The following RAI14 variants were observed in gnomAD, a reference collection of about 807,000 sequenced individuals.
The protein encoded by RAI14 is retinoic acid induced 14.
Under a neutral mutation model 115.4 loss-of-function variants are expected in RAI14, and 45 were observed. That is an observed-to-expected ratio of 0.39 (90% CI 0.31 to 0.50). The LOEUF (loss-of-function observed/expected upper bound fraction) is 0.50. Ranked by LOEUF, RAI14 falls within the 20% of genes least tolerant of loss-of-function variation. RAI14 has a pLI of 0.85. For missense variants in RAI14, 939 were observed against 1,131.2 expected, an observed-to-expected ratio of 0.83 and a Z score of 2.44; for synonymous variants, 371 against 415.4, an observed-to-expected ratio of 0.89 and a Z score of 1.30.
chr5:34,743,930 A>C (rs1745847574), intron 2 of RAI14, among the ~76,000 whole-genome samples: 1 of 152,246 alleles, frequency 6.6e-6, no homozygotes, highest in Non-Finnish European at 1.5e-5. Flanking sequence ...TAACATCTGT[A>C]AAGGGCATGA....
At chr5:34,658,796 C>CAAAT (rs34087162) in intron 1 of RAI14, among the ~76,000 whole-genome samples, 124 of 151,688 alleles carry the variant, frequency 8.2e-4, no homozygotes, top group South Asian at 1.3e-3. Flanking sequence ...GACTCTGTCT[C>CAAAT]AAATAAATAA....
At chr5:34,662,745 T>TTTA (rs869272839) in intron 1 of RAI14, among the ~76,000 whole-genome samples, 1,858 of 143,938 alleles carry the variant, frequency 0.013, 21 homozygotes, top group Non-Finnish European at 0.02. Flanking sequence ...TTTTTTTTTT[T>TTTA]AGACACAGAG....
chr5:34,829,759 A>C lies in RAI14; in HGVS notation c.2827A>C (p.Ile943Leu), dbSNP rs770134601. The C allele has an allele frequency of 2.5e-6, 4 of 1,612,320 alleles. No homozygotes were observed. The highest frequency in any genetic ancestry group is 3.4e-6 in the Non-Finnish European group (4 of 1,178,812). ...ATGCAAGAAACAACACCAGGAGGTC[A>C]TATCAGTTTACAGAATGCATCTTCT... ...AECKKQHQEVISVYRMHLLYA... is the reference protein window; with the variant it reads ...AECKKQHQEVLSVYRMHLLYA... The change falls in exon 17 of 18, where the codon ATA (isoleucine) becomes CTA (leucine). Residue 943 changes from isoleucine to leucine, a missense_variant. By Grantham distance (5) the Ile-to-Leu change is conservative. Coordinates refer to ENST00000265109, the MANE Select transcript of RAI14 (RefSeq NM_015577.3).
rs1580316813 is a variant in RAI14, at chr5:34,803,839, T to C, written c.321+63T>C. On this transcript the variant is annotated intron_variant, in intron 5 of 17. Transcript: ENST00000265109. ...TTTTACAATTTGAAAGTAATCATAT[T>C]TGTGAAAGAACAAACACACCCTCCA... 4.8e-6 allele frequency: 7 copies of C among 1,460,526 alleles called. No individual in the cohort carries two copies. The East Asian group carries it at 1.6e-4, about 34-fold the overall frequency. 90.5% of individuals were successfully genotyped at this position (1,460,526 alleles called of 1,614,324 possible). A position where few individuals can be genotyped will look rare whatever the true frequency, so the allele number is the denominator to read the frequency against.
chr5:34,802,206 G>A (rs1754356188), intron 4 of RAI14, among the ~76,000 whole-genome samples: 1 of 152,168 alleles, frequency 6.6e-6, no homozygotes, highest in Non-Finnish European at 1.5e-5. Flanking sequence ...CTAACGTCCT[G>A]TACTGCATAG....
chr5:34,719,101 C>T (rs1742337835), intron 2 of RAI14, among the ~76,000 whole-genome samples: 3 of 152,166 alleles, frequency 2.0e-5, no homozygotes, highest in African/African-American at 7.2e-5. Flanking sequence ...ACAGGGACAG[C>T]TCGTCTCTGA....
At chr5:34,682,160 G>A (rs1197869835) in intron 1 of RAI14, among the ~76,000 whole-genome samples, 2 of 151,856 alleles carry the variant, frequency 1.3e-5, no homozygotes, top group African/African-American at 2.4e-5. Context: ...TGGCTAACCT[G>A]GAATTTTCTT....
chr5:34,805,849 A>G (rs1754825769), intron 5 of RAI14, among the ~76,000 whole-genome samples: 1 of 152,084 alleles, frequency 6.6e-6, no homozygotes, highest in Non-Finnish European at 1.5e-5. Context: ...TCAAAAACAA[A>G]CAAACAAAAA....
chr5:34,668,342 C>T (rs1255292251), intron 1 of RAI14, among the ~76,000 whole-genome samples: 1 of 151,006 alleles, frequency 6.6e-6, no homozygotes, highest in African/African-American at 2.4e-5. Flanking sequence ...TGCACTGAGC[C>T]GAGAGTACAC....
At position 34,691,675 on chromosome 5, in the gene RAI14, A is replaced by G. The variant is rs184293847; in HGVS notation, c.36+4720A>G. On this transcript the variant is annotated intron_variant, in intron 2 of 17. Transcript: ENST00000265109. ...AACACATCTTGAGAAATGCCACTCA[A>G]ACGTGATCGAGGGCTTCACGGTTTA... Among the ~76,000 whole-genome samples, 18 of 152,316 alleles carry G rather than the reference A, an allele frequency of 1.2e-4. No individual in the cohort carries two copies. The East Asian group carries it at 3.1e-3, about 26-fold the overall frequency.
At chr5:34,734,180 C>G (rs1013950163) in intron 2 of RAI14, among the ~76,000 whole-genome samples, 18 of 152,228 alleles carry the variant, frequency 1.2e-4, no homozygotes, top group Non-Finnish European at 2.9e-5. Flanking sequence ...GGCCCGCCCC[C>G]CTGGTCTCTG....
chr5:34,766,646 G>T (rs764492735), intron 3 of RAI14, among the ~76,000 whole-genome samples: 5 of 152,136 alleles, frequency 3.3e-5, no homozygotes, highest in Non-Finnish European at 5.9e-5. Context: ...TGTCTCAGAT[G>T]CGACTTTGGA....
intron 2 of RAI14, among the ~76,000 whole-genome samples, chr5:34,739,357 G>A (rs1341131005): frequency 2.6e-5 from 4 of 152,132 alleles, no homozygotes; most frequent in Non-Finnish European, 5.9e-5. Context: ...CTGGCTTCTG[G>A]GTTCTTGCTT....
chr5:34,758,117 C>G, intron 3 of RAI14, among the ~76,000 whole-genome samples: 1 of 152,114 alleles, frequency 6.6e-6, no homozygotes, highest in East Asian at 1.9e-4. Context: ...TGTTTATATC[C>G]ATTCTTACGT....
At chr5:34,766,118 A>G (rs1170961915) in intron 3 of RAI14, among the ~76,000 whole-genome samples, 2 of 152,236 alleles carry the variant, frequency 1.3e-5, no homozygotes, top group Non-Finnish European at 2.9e-5. Flanking sequence ...AGTTTGCTGC[A>G]GGGGTGGGGT....
chr5:34,821,777 ATCT>A lies in RAI14; in HGVS notation c.1044_1046del (p.Leu349del). 1 of 1,612,836 alleles carries A rather than the reference ATCT, an allele frequency of 6.2e-7. No individual in the cohort carries two copies. Among genetic ancestry groups the A allele is most frequent in the South Asian group, 1.1e-5 (1 of 91,044 alleles). ...ATAAGTTCTGAAGCTGACCAACAAG[ATCT>A]TCTCTCTCTATTGCAAGCAAAAGTT... On this transcript the variant is annotated inframe_deletion, in exon 14 of 18. Transcript: ENST00000265109.
rs538206846 is a variant in RAI14, at chr5:34,786,016, G to C, written c.168-9923G>C. Among the ~76,000 whole-genome samples the C allele has an allele frequency of 1.2e-4, 18 of 152,314 alleles. 1 individual carries two copies. In the South Asian group the frequency reaches 3.3e-3, roughly 28 times the overall value. On this transcript the variant is annotated intron_variant, in intron 3 of 17. Transcript: ENST00000265109. Reference sequence around the variant, plus strand: ...TGTTGGGACCTTTTGCAGGGTTCCCGAGGCAGAAGGCTCACAGCTTTTGTG... The same window carrying C: ...TGTTGGGACCTTTTGCAGGGTTCCCCAGGCAGAAGGCTCACAGCTTTTGTG...
intron 15 of RAI14, among the ~76,000 whole-genome samples, chr5:34,824,946 CAAAA>C (rs1174399473): frequency 4.5e-5 from 3 of 66,550 alleles, no homozygotes; most frequent in African/African-American, 1.3e-4. Context: ...GACTTCATCT[CAAAA>C]AAAAAAAAAA....
intron 15 of RAI14, 122 bp downstream of exon 15, chr5:34,824,613 A>G (rs552115626): frequency 1.0e-5 from 8 of 799,780 alleles, no homozygotes; most frequent in East Asian, 8.3e-5. Flanking sequence ...GGCTCTGCAC[A>G]TGAACTTTAT....
Sources: allele counts gnomAD v4.1 joint callset (sites outside exome capture counted in the v4.1 genomes callset), GRCh38; gene constraint gnomAD v4.1.1; transcripts MANE v1.5; gene names NCBI Gene and HGNC (gene_info 2026-07-23, HGNC 2026-07-21).